MAMDC2: variants seen among roughly 807,000 people sequenced by gnomAD.
MAMDC2 encodes the protein MAM domain-containing protein 2.
A neutral mutation model predicts 89.8 loss-of-function variants in MAMDC2; 57 were observed. That is an observed-to-expected ratio of 0.63 (90% CI 0.51 to 0.79). The LOEUF (loss-of-function observed/expected upper bound fraction) is 0.79. Ranked by LOEUF, MAMDC2 falls within the 30% of genes least tolerant of loss-of-function variation. MAMDC2 has a pLI of 0.00. For synonymous variants in MAMDC2, 313 were observed against 293.4 expected, an observed-to-expected ratio of 1.07 and a Z score of -0.68; for missense variants, 800 against 820.6, an observed-to-expected ratio of 0.97 and a Z score of 0.31.
At chr9:70,136,290 G>T (rs976253043) in intron 7 of MAMDC2, among the ~76,000 whole-genome samples, 3 of 152,174 alleles carry the variant, frequency 2.0e-5, no homozygotes, top group African/African-American at 7.2e-5. Context: ...GAATCATAGA[G>T]TATGTAGCCT....
At position 70,200,061 on chromosome 9, in the gene MAMDC2, T is replaced by A. The variant is rs1032971877; in HGVS notation, c.1652-18276T>A. Among the ~76,000 whole-genome samples, 7 of 150,668 alleles carry A rather than the reference T, an allele frequency of 4.6e-5. No individual in the cohort carries two copies. In the South Asian group the frequency reaches 1.5e-3, roughly 31 times the overall value. ...GCAGAAGCTCTTTAGTTTAATTAGATCCCATTTGTCAATTTTGGCTTTTGT... is the reference window on the plus strand; with the variant it reads ...GCAGAAGCTCTTTAGTTTAATTAGAACCCATTTGTCAATTTTGGCTTTTGT... On this transcript the variant is annotated intron_variant, in intron 11 of 13. Coordinates refer to ENST00000377182, the MANE Select transcript of MAMDC2 (RefSeq NM_153267.5).
At chr9:70,109,263 G>T (rs1300973568) in intron 3 of MAMDC2, 1 of 155,782 alleles carries the variant, frequency 6.4e-6, no homozygotes. Context: ...TGGAGCATGG[G>T]GGCTCTGAGT....
At position 70,168,704 on chromosome 9, in the gene MAMDC2, G is replaced by T. The variant is rs1395636560; in HGVS notation, c.1407G>T (p.Val469=). The part of the protein sequence containing the change: ...ITFKKPMPTK[V]VFMSLCKSFW... ...AGCTTTATTTTTATGAATTTCAGGTGGTTTTCATGAGCCTATGCAAAAGTT... is the reference window on the plus strand; with the variant it reads ...AGCTTTATTTTTATGAATTTCAGGTTGTTTTCATGAGCCTATGCAAAAGTT... The change falls in exon 10 of 14, where the codon GTG becomes GTT. Residue 469 remains valine (V), a splice_region_variant and synonymous_variant. Coordinates refer to ENST00000377182, the MANE Select transcript of MAMDC2 (RefSeq NM_153267.5). 6.2e-7 allele frequency: 1 copy of T among 1,612,480 alleles called. No individual in the cohort carries two copies. Among genetic ancestry groups the T allele is most frequent in the Non-Finnish European group, 8.5e-7 (1 of 1,178,788 alleles).
chr9:70,168,739 G>A lies in MAMDC2; in HGVS notation c.1442G>A (p.Cys481Tyr), dbSNP rs762650076. 1.9e-6 allele frequency: 3 copies of A among 1,614,022 alleles called. No homozygotes were observed. Among genetic ancestry groups the A allele is most frequent in the Admixed American group, 1.7e-5 (1 of 59,994 alleles). Residue 481 changes from cysteine (C) to tyrosine (Y), a missense_variant, in exon 10 of 14, where the codon TGT becomes TAT. Cys to Tyr is a radical substitution (Grantham distance 194). Transcript: ENST00000377182. ...AGCCTATGCAAAAGTTTCTGGGACT[G>A]TGGGCTTGTAGCCCTGGATGACATT... ...FMSLCKSFWD[C>Y]GLVALDDITI...
chr9:70,205,662 C>T (rs1238417149), intron 11 of MAMDC2, among the ~76,000 whole-genome samples: 1 of 152,296 alleles, frequency 6.6e-6, no homozygotes, highest in African/African-American at 2.4e-5. Flanking sequence ...CCCAATAGAT[C>T]CATTGGAACC....
intron 11 of MAMDC2, among the ~76,000 whole-genome samples, chr9:70,198,468 G>A (rs1374120967): frequency 6.6e-6 from 1 of 151,952 alleles, no homozygotes; most frequent in African/African-American, 2.4e-5. Context: ...GAGTTTACAG[G>A]GATTTTGCAG....
rs572962933 is a variant in MAMDC2 at position 70,086,815 on chromosome 9, A to G, written c.149-21396A>G. 6 of 152,254 alleles carry G rather than the reference A, an allele frequency of 3.9e-5. No individual in the cohort carries two copies. In the South Asian group the frequency reaches 1.0e-3, roughly 26 times the overall value. The allele number at this position is 152,254 out of a possible 1,614,324, so 9.4% of individuals were successfully genotyped here. A position where few individuals can be genotyped will look rare whatever the true frequency, so the allele number is the denominator to read the frequency against. ...TGATTCAATTTAGACTTTAATATAA[A>G]TAGAACTGAAATGATCAGCTAATCC... On this transcript the variant is annotated intron_variant, in intron 2 of 13. Transcript: ENST00000377182.
At chr9:70,150,351 G>A (rs1404784228) in intron 9 of MAMDC2, among the ~76,000 whole-genome samples, 1 of 152,330 alleles carries the variant, frequency 6.6e-6, no homozygotes, top group South Asian at 2.1e-4. Context: ...TAATAACTCA[G>A]TATTGACTTT....
chr9:70,196,074 G>A lies in MAMDC2; in HGVS notation c.1652-22263G>A, dbSNP rs550255013. Among the ~76,000 whole-genome samples the A allele has an allele frequency of 3.4e-4, 51 of 152,160 alleles. 1 individual carries two copies. The highest frequency in any genetic ancestry group is 1.9e-3 in the East Asian group (10 of 5,168). On this transcript the variant is annotated intron_variant, in intron 11 of 13. Transcript: ENST00000377182. ...GTACAAAAGGATTTCTTAACGTGGC[G>A]GCAAGGCAAGAGAGCTTGTGCATGG... is the stretch of plus-strand genomic sequence containing the variant.
intron 10 of MAMDC2, 126 bp downstream of exon 10, chr9:70,168,921 T>C: frequency 1.4e-6 from 1 of 739,036 alleles, no homozygotes; most frequent in Non-Finnish European, 2.3e-6. Context: ...AAGTGTCTCC[T>C]GCAGAGCTGT....
At chr9:70,140,310 G>C in intron 8 of MAMDC2, 22 bp downstream of exon 8, 1 of 1,564,568 alleles carries the variant, frequency 6.4e-7, no homozygotes, top group Non-Finnish European at 8.6e-7. Context: ...ATCTGTCTAT[G>C]TGGGGACATC....
intron 2 of MAMDC2, among the ~76,000 whole-genome samples, chr9:70,099,980 AAGAGAG>A (rs60292765): frequency 0.03 from 3,424 of 115,562 alleles, 87 homozygotes; most frequent in African/African-American, 0.06. Context: ...GCCAAAAAGA[AAGAGAG>A]AGAGAGAGAG....
At chr9:70,078,017 A>AC (rs200958057) in intron 2 of MAMDC2, among the ~76,000 whole-genome samples, 52,196 of 151,872 alleles carry the variant, frequency 0.34, 10,067 homozygotes, top group African/African-American at 0.52. Flanking sequence ...ACTTCACTCT[A>AC]CCATTCCTAC....
chr9:70,220,395 C>T (rs2033533627), intron 12 of MAMDC2, among the ~76,000 whole-genome samples: 1 of 152,158 alleles, frequency 6.6e-6, no homozygotes, highest in African/African-American at 2.4e-5. Flanking sequence ...ACTCCAGAAT[C>T]CTCCCCCTTG....
At chr9:70,213,115 G>A (rs992777820) in intron 11 of MAMDC2, among the ~76,000 whole-genome samples, 1 of 152,134 alleles carries the variant, frequency 6.6e-6, no homozygotes, top group African/African-American at 2.4e-5. Flanking sequence ...GAATAATCCT[G>A]GTCAAGACTT....
At chr9:70,207,683 G>A (rs1486179875) in intron 11 of MAMDC2, among the ~76,000 whole-genome samples, 1 of 152,182 alleles carries the variant, frequency 6.6e-6, no homozygotes, top group Non-Finnish European at 1.5e-5. Context: ...TGCTTTTGGT[G>A]TTTTCGACAT....
intron 11 of MAMDC2, among the ~76,000 whole-genome samples, chr9:70,208,408 G>GC (rs1587572197): frequency 6.6e-6 from 1 of 152,158 alleles, no homozygotes; most frequent in African/African-American, 2.4e-5. Context: ...TGAATGGGAA[G>GC]TTCACTCATG....
intron 2 of MAMDC2, chr9:70,092,722 T>C (rs1827932539): frequency 6.6e-6 from 1 of 152,160 alleles, no homozygotes. Flanking sequence ...GCCATTCTTC[T>C]TTGCTCTGCT....
At chr9:70,208,199 T>C (rs1225661219) in intron 11 of MAMDC2, among the ~76,000 whole-genome samples, 3 of 152,220 alleles carry the variant, frequency 2.0e-5, no homozygotes, top group East Asian at 1.9e-4. Context: ...GGGGATGGCA[T>C]TGAATCTATA....
Sources: gnomAD v4.1 joint callset for allele counts (sites outside exome capture counted in the v4.1 genomes callset) on GRCh38, gnomAD v4.1.1 for gene constraint, MANE v1.5 for transcripts, NCBI Gene and HGNC (gene_info 2026-07-23, HGNC 2026-07-21) for gene names.